Variants in DENND1A observed in about 807,000 individuals in gnomAD.
DENND1A encodes DENN domain containing 1A.
In DENND1A, 51 loss-of-function variants were observed where a neutral mutation model predicts 113.7. That is an observed-to-expected ratio of 0.45 (90% CI 0.36 to 0.57). The LOEUF (loss-of-function observed/expected upper bound fraction) is 0.57, where lower values mean the gene tolerates loss of function less well. Ranked by LOEUF, DENND1A falls within the 20% of genes least tolerant of loss-of-function variation. The pLI, the probability that DENND1A is intolerant of heterozygous loss-of-function variation, is 0.00. For synonymous variants in DENND1A, 565 were observed against 570.8 expected (o/e 0.99, Z 0.14); for missense variants, 1,258 against 1,395.9 (o/e 0.90, Z 1.57).
chr9:123,882,594 G>A (rs938488728), intron 1 of DENND1A, among the ~76,000 whole-genome samples: 1 of 152,056 alleles, frequency 6.6e-6, no homozygotes, highest in African/African-American at 2.4e-5. Context: ...ATATCACCTC[G>A]ATTACTGCAG....
intron 10 of DENND1A, among the ~76,000 whole-genome samples, chr9:123,611,887 T>C (rs1250056153): frequency 6.6e-6 from 1 of 152,216 alleles, no homozygotes; most frequent in Non-Finnish European, 1.5e-5. Flanking sequence ...TGGAAGAGAC[T>C]GAAGAGGCAA....
intron 5 of DENND1A, among the ~76,000 whole-genome samples, chr9:123,697,832 C>G (rs1199426832): frequency 6.6e-6 from 1 of 152,124 alleles, no homozygotes; most frequent in African/African-American, 2.4e-5. Flanking sequence ...TGTTTTTACC[C>G]TAACACTAAT....
At chr9:123,842,028 T>C (rs1312863256) in intron 2 of DENND1A, among the ~76,000 whole-genome samples, 2 of 152,248 alleles carry the variant, frequency 1.3e-5, no homozygotes, top group Non-Finnish European at 2.9e-5. Context: ...AAATGTTTCA[T>C]ACCTCATTCA....
At chr9:123,836,673 G>A (rs1841096555) in intron 2 of DENND1A, among the ~76,000 whole-genome samples, 1 of 151,798 alleles carries the variant, frequency 6.6e-6, no homozygotes, top group Non-Finnish European at 1.5e-5. Flanking sequence ...CAAATTTGAG[G>A]AAATACTAAA....
intron 2 of DENND1A, among the ~76,000 whole-genome samples, chr9:123,865,379 T>A (rs1452975867): frequency 6.6e-6 from 1 of 152,220 alleles, no homozygotes; most frequent in African/African-American, 2.4e-5. Flanking sequence ...AGAACTTTTT[T>A]AAAGCCTAAA....
At chr9:123,567,401 A>G (rs566265984) in intron 12 of DENND1A, among the ~76,000 whole-genome samples, 10 of 152,364 alleles carry the variant, frequency 6.6e-5, no homozygotes, top group African/African-American at 2.2e-4. Context: ...AAGGAAACTT[A>G]TATGTTTTTT....
At chr9:123,388,942 G>C (rs549285081) in intron 21 of DENND1A, among the ~76,000 whole-genome samples, 1 of 152,250 alleles carries the variant, frequency 6.6e-6, no homozygotes, top group South Asian at 2.1e-4. Flanking sequence ...TCTGAGGCGA[G>C]TGAAGTCTGG....
intron 3 of DENND1A, among the ~76,000 whole-genome samples, chr9:123,780,905 C>G (rs1328987530): frequency 6.6e-6 from 1 of 152,076 alleles, no homozygotes; most frequent in African/African-American, 2.4e-5. Context: ...CCCAGTGATC[C>G]TACCACTAAT....
intron 13 of DENND1A, among the ~76,000 whole-genome samples, chr9:123,490,908 T>C (rs992466616): frequency 2.0e-5 from 3 of 152,264 alleles, no homozygotes; most frequent in Non-Finnish European, 4.4e-5. Flanking sequence ...CTGTACTGAA[T>C]GCGACAAGGC....
chr9:123,450,594 C>T (rs2047646494), intron 18 of DENND1A, 99 bp downstream of exon 18: 4 of 905,342 alleles, frequency 4.4e-6, no homozygotes, highest in Non-Finnish European at 6.8e-6. Flanking sequence ...GTGTTAACAA[C>T]ACTGTATCAA....
Position 123,702,062 on chromosome 9 carries a change from G to A in DENND1A, c.303-25273C>T, listed in dbSNP as rs971941445. 3.3e-5 allele frequency among the ~76,000 whole-genome samples: 5 copies of A among 151,916 alleles called. No individual in the cohort carries two copies. The South Asian group carries it at 8.3e-4, about 25-fold the overall frequency. On this transcript the variant is annotated intron_variant, in intron 5 of 23. Coordinates refer to ENST00000394215, the MANE Select transcript of DENND1A (RefSeq NM_001352964.2). ...CTCAATAAACAATTCAATGAAATGA[G>A]AAACATAATAAGTGACCAGAATTAG...
At chr9:123,468,739 C>T (rs112611838) in intron 13 of DENND1A, among the ~76,000 whole-genome samples, 2,016 of 152,296 alleles carry the variant, frequency 0.013, 45 homozygotes, top group African/African-American at 0.045. Flanking sequence ...ACCTTGTTTA[C>T]CAGAAAGCTG....
At chr9:123,793,275 C>T (rs751631598) in intron 2 of DENND1A, among the ~76,000 whole-genome samples, 6 of 152,098 alleles carry the variant, frequency 3.9e-5, no homozygotes, top group Non-Finnish European at 7.4e-5. Flanking sequence ...AAATACATGG[C>T]AGAAAATACC....
chr9:123,485,185 AT>A (rs2050692654), intron 13 of DENND1A, among the ~76,000 whole-genome samples: 1 of 152,178 alleles, frequency 6.6e-6, no homozygotes, highest in Admixed American at 6.5e-5. Flanking sequence ...TTGGGGAAAC[AT>A]GTCTCTTGAA....
Position 123,879,842 on chromosome 9 carries a change from A to G in DENND1A, c.18-821T>C, listed in dbSNP as rs571680870. On this transcript the variant is annotated intron_variant, in intron 1 of 23. Transcript: ENST00000394215. ...TGTATCTCACTAGACTACTGTGAAG[A>G]CAAGATGCCAATCTAAACGTAAGAC... is the stretch of plus-strand genomic sequence containing the variant. Among the ~76,000 whole-genome samples the G allele has an allele frequency of 1.2e-4, 19 of 152,364 alleles. No individual in the cohort carries two copies. The South Asian group carries it at 3.7e-3, about 30-fold the overall frequency.
chr9:123,399,653 G>C (rs181083214), intron 21 of DENND1A, among the ~76,000 whole-genome samples: 1 of 152,320 alleles, frequency 6.6e-6, no homozygotes, highest in South Asian at 2.1e-4. Context: ...GAACAGATCC[G>C]GTTCCCAACT....
At chr9:123,901,998 T>G (rs1851714111) in intron 1 of DENND1A, among the ~76,000 whole-genome samples, 1 of 151,992 alleles carries the variant, frequency 6.6e-6, no homozygotes, top group Admixed American at 6.6e-5. Context: ...AGAGCAAGAC[T>G]CCGTCTCAAA....
In DENND1A at chr9:123,633,819, C is replaced by T. The variant is rs533932676; in HGVS notation, c.619-3343G>A. ...GAAAAAATGTCTAAAACAAAAACAG[C>T]AAGCTTAGACACACAAGCATGGCAC... is the stretch of plus-strand genomic sequence containing the variant. On this transcript the variant is annotated intron_variant, in intron 9 of 23. Transcript: ENST00000394215. Among the ~76,000 whole-genome samples the T allele has an allele frequency of 5.3e-4, 81 of 152,248 alleles. 1 individual carries two copies. Among genetic ancestry groups the T allele is most frequent in the Middle Eastern group, 6.8e-3 (2 of 294 alleles).
At chr9:123,610,724 G>C (rs1402738490) in intron 10 of DENND1A, among the ~76,000 whole-genome samples, 1 of 152,198 alleles carries the variant, frequency 6.6e-6, no homozygotes, top group Non-Finnish European at 1.5e-5. Flanking sequence ...GGGGCAGCTG[G>C]TAGAGTAGAG....
Sources: allele counts gnomAD v4.1 joint callset (sites outside exome capture counted in the v4.1 genomes callset), GRCh38; gene constraint gnomAD v4.1.1; transcripts MANE v1.5; gene names NCBI Gene and HGNC (gene_info 2026-07-23, HGNC 2026-07-21).